GLT1D1: variants seen among roughly 807,000 people sequenced by gnomAD.
The protein encoded by GLT1D1 is glycosyltransferase 1 domain containing 1.
A neutral mutation model predicts 28.7 loss-of-function variants in GLT1D1; 21 were observed. That is an observed-to-expected ratio of 0.73 (90% CI 0.52 to 1.05). The LOEUF (loss-of-function observed/expected upper bound fraction) is 1.05. Among genes scored for constraint, GLT1D1 ranks in the 50% least tolerant of loss-of-function variants. The pLI is 0.00. For synonymous variants in GLT1D1, 147 were observed against 124.8 expected, an observed-to-expected ratio of 1.18 and a Z score of -1.19; for missense variants, 343 against 330.6, an observed-to-expected ratio of 1.04 and a Z score of -0.29.
At chr12:128,949,611 C>T (rs1445674707) in intron 6 of GLT1D1, among the ~76,000 whole-genome samples, 3 of 152,164 alleles carry the variant, frequency 2.0e-5, no homozygotes, top group African/African-American at 7.2e-5. Flanking sequence ...GATTCGTGGG[C>T]AGCGGGGTGA....
At chr12:128,910,861 G>A (rs925136249) in intron 4 of GLT1D1, among the ~76,000 whole-genome samples, 1 of 152,106 alleles carries the variant, frequency 6.6e-6, no homozygotes, top group African/African-American at 2.4e-5. Flanking sequence ...TTCCTGTAGT[G>A]AAATACAAAA....
At chr12:128,980,246 G>T (rs1880192724) in intron 7 of GLT1D1, among the ~76,000 whole-genome samples, 1 of 152,206 alleles carries the variant, frequency 6.6e-6, no homozygotes, top group Non-Finnish European at 1.5e-5. Context: ...AGCCCAGGGT[G>T]TGTCTGCGAC....
intron 3 of GLT1D1, 146 bp from the exon 4 acceptor site, chr12:128,899,090 C>A: frequency 1.6e-6 from 1 of 632,762 alleles, no homozygotes; most frequent in Non-Finnish European, 2.8e-6. Flanking sequence ...AACCTAATGG[C>A]CAATGACCAC....
intron 1 of GLT1D1, among the ~76,000 whole-genome samples, chr12:128,856,553 C>T (rs888686120): frequency 6.6e-6 from 1 of 152,092 alleles, no homozygotes; most frequent in Non-Finnish European, 1.5e-5. Flanking sequence ...AAGAGGCTGT[C>T]ACTGAGATCT....
At position 128,924,489 on chromosome 12, in the gene GLT1D1, T is replaced by C. The variant is rs1337592214; in HGVS notation, c.376-20837T>C. Among the ~76,000 whole-genome samples the C allele has an allele frequency of 3.3e-5, 5 of 151,908 alleles. No homozygotes were observed. In the East Asian group the frequency reaches 9.8e-4, roughly 30 times the overall value. On this transcript the variant is annotated intron_variant, in intron 4 of 7. Coordinates refer to ENST00000281703, the MANE Select transcript of GLT1D1 (RefSeq NM_144669.3). ...TTTATTTATTTATTTTTTTGAGACA[T>C]CTTGCTCTGTCACCCAGACTAGAGT...
At chr12:128,915,330 TTG>T (rs1871997886) in intron 4 of GLT1D1, among the ~76,000 whole-genome samples, 1 of 152,168 alleles carries the variant, frequency 6.6e-6, no homozygotes, top group Non-Finnish European at 1.5e-5. Context: ...TAAATTACCA[TTG>T]TAGAAAAATG....
At chr12:128,862,366 A>C (rs1956404177) in intron 1 of GLT1D1, among the ~76,000 whole-genome samples, 1 of 147,990 alleles carries the variant, frequency 6.8e-6, no homozygotes, top group Admixed American at 6.8e-5. Flanking sequence ...ATAGCCATTG[A>C]AAGTTGTTGC....
intron 6 of GLT1D1, among the ~76,000 whole-genome samples, chr12:128,956,024 T>A (rs1335385720): frequency 6.6e-6 from 1 of 151,368 alleles, no homozygotes; most frequent in East Asian, 1.9e-4. Context: ...CCGGGCGTGA[T>A]GGCGGGCGCC....
intron 4 of GLT1D1, among the ~76,000 whole-genome samples, chr12:128,943,462 C>G (rs1378360422): frequency 6.6e-6 from 1 of 151,820 alleles, no homozygotes; most frequent in African/African-American, 2.4e-5. Context: ...AAACACATTT[C>G]TCAACCTGAG....
rs1448947787 is a variant in GLT1D1 at position 128,983,030 on chromosome 12, G to T, written c.741G>T (p.Gln247His). The T allele has an allele frequency of 6.2e-7, 1 of 1,614,142 alleles. No individual in the cohort carries two copies. Among genetic ancestry groups the T allele is most frequent in the Non-Finnish European group, 8.5e-7 (1 of 1,179,982 alleles). Reference sequence around the variant, plus strand: ...ACGTGAGAATGTATCATTCATGGCAGGTGGAAAGAGACACCTACCAACAGC... The same window carrying T: ...ACGTGAGAATGTATCATTCATGGCATGTGGAAAGAGACACCTACCAACAGC... The change falls in exon 8 of 8, where the codon CAG (glutamine) becomes CAT (histidine). Residue 247 changes from glutamine (Q) to histidine (H), a missense_variant. By Grantham distance (24) the Gln-to-His change is conservative. Transcript: ENST00000281703. This position sits in a 1 kb window ranked among gnomAD's most constrained non-coding sequence, Gnocchi z 4.7.
At chr12:128,876,102 CT>C in intron 2 of GLT1D1, 40 bp downstream of exon 2, 1 of 1,568,480 alleles carries the variant, frequency 6.4e-7, no homozygotes, top group South Asian at 1.2e-5. Context: ...ACTAGAAATT[CT>C]GAAAACCGGA....
intron 6 of GLT1D1, among the ~76,000 whole-genome samples, chr12:128,950,990 T>C (rs1005721100): frequency 2.0e-5 from 3 of 152,210 alleles, no homozygotes; most frequent in Non-Finnish European, 2.9e-5. Flanking sequence ...TTAATAACGA[T>C]ATCCTTGAAA....
At chr12:128,894,983 A>C (rs965502797) in intron 3 of GLT1D1, among the ~76,000 whole-genome samples, 11 of 151,860 alleles carry the variant, frequency 7.2e-5, no homozygotes, top group Non-Finnish European at 1.5e-4. Flanking sequence ...ATTGCCCCAG[A>C]TTTGCCCACA....
intron 3 of GLT1D1, among the ~76,000 whole-genome samples, chr12:128,897,036 A>G (rs1566112344): frequency 6.6e-6 from 1 of 152,166 alleles, no homozygotes; most frequent in Admixed American, 6.5e-5. Flanking sequence ...AAGTGGGTGT[A>G]TGTTTTCATT....
rs1869959321 is a variant in GLT1D1 at position 128,899,149 on chromosome 12, C to G, written c.324-87C>G. The G allele has an allele frequency of 4.2e-6, 4 of 952,846 alleles. No homozygotes were observed. The East Asian group carries it at 7.2e-5, about 17-fold the overall frequency. 59.0% of individuals were successfully genotyped at this position (952,846 alleles called of 1,614,324 possible). A position where few individuals can be genotyped will look rare whatever the true frequency, so the allele number is the denominator to read the frequency against. On this transcript the variant is annotated intron_variant, in intron 3 of 7. Coordinates refer to ENST00000281703, the MANE Select transcript of GLT1D1 (RefSeq NM_144669.3). ...TTAAATTTAGTGTCTCACGTTGTCT[C>G]TCATAATTTGTTCCAAAGAGCTGTT...
intron 7 of GLT1D1, among the ~76,000 whole-genome samples, chr12:128,979,162 A>G (rs1880083455): frequency 6.6e-6 from 1 of 152,232 alleles, no homozygotes. Context: ...CTCAGTGGCC[A>G]GACTTGGGTC....
intron 7 of GLT1D1, among the ~76,000 whole-genome samples, chr12:128,958,612 GA>G (rs1363706913): frequency 2.7e-5 from 4 of 148,174 alleles, no homozygotes; most frequent in African/African-American, 9.9e-5. Context: ...AAAAAGCTGG[GA>G]ATGGTGCATG....
Position 128,983,206 on chromosome 12 carries a change from A to G in GLT1D1, c.*116A>G. The G allele has an allele frequency of 1.1e-6, 1 of 902,198 alleles. No individual in the cohort carries two copies. Among genetic ancestry groups the G allele is most frequent in the South Asian group, 1.6e-5 (1 of 62,766 alleles). The allele number at this position is 902,198 out of a possible 1,614,324, so 55.9% of individuals were successfully genotyped here. On this transcript the variant is annotated 3_prime_UTR_variant, in exon 8 of 8. Transcript: ENST00000281703. This position sits in a 1 kb window ranked among gnomAD's most constrained non-coding sequence, Gnocchi z 4.7. ...GTTCAAATAAAACCAGCCTCAGCGGAATCCTAGAAAATGTTAGTCGTGAGT... is the reference window on the plus strand; with the variant it reads ...GTTCAAATAAAACCAGCCTCAGCGGGATCCTAGAAAATGTTAGTCGTGAGT...
intron 4 of GLT1D1, among the ~76,000 whole-genome samples, chr12:128,924,002 C>A (rs1315745029): frequency 6.6e-6 from 1 of 152,062 alleles, no homozygotes; most frequent in African/African-American, 2.4e-5. Flanking sequence ...TGGGGTTTGG[C>A]CCTGCGAGGG....
Sources: gnomAD v4.1 joint callset for allele counts (sites outside exome capture counted in the v4.1 genomes callset) on GRCh38, gnomAD v4.1.1 for gene constraint, Gnocchi (gnomAD v3.1) non-coding constraint, MANE v1.5 for transcripts, NCBI Gene and HGNC (gene_info 2026-07-23, HGNC 2026-07-21) for gene names.